The following LARGE1 variants were observed in gnomAD, a reference collection of about 807,000 sequenced individuals.
LARGE1 encodes the protein LARGE xylosyl- and glucuronyltransferase 1, also known as xylosyl- and glucuronyltransferase LARGE1.
LARGE1 carries 43 observed loss-of-function variants against 87.6 expected under a neutral mutation model. The ratio of observed to expected loss-of-function variants is 0.49; its 90% CI spans 0.38 to 0.63. The LOEUF is 0.63. Ranked by LOEUF, LARGE1 falls within the 30% of genes least tolerant of loss-of-function variation. The pLI is 0.00. For missense variants in LARGE1, 802 were observed against 1,000.2 expected (o/e 0.80, Z 2.67); for synonymous variants, 434 against 394.6 (o/e 1.10, Z -1.18).
At chr22:33,235,947 G>A (rs1449418943) in intron 11 of LARGE1, among the ~76,000 whole-genome samples, 1 of 152,186 alleles carries the variant, frequency 6.6e-6, no homozygotes, top group Non-Finnish European at 1.5e-5. Flanking sequence ...TTAGAGTGGG[G>A]CCTAAATCCA....
chr22:33,092,425 A>G, the LARGE1 span, among the ~76,000 whole-genome samples: 14 of 152,212 alleles, frequency 9.2e-5, no homozygotes, highest in South Asian at 2.9e-3. Flanking sequence ...GAACAAATAA[A>G]GTGTGGACTT....
At chr22:33,591,215 A>C (rs2078831099) in intron 5 of LARGE1, among the ~76,000 whole-genome samples, 3 of 152,192 alleles carry the variant, frequency 2.0e-5, no homozygotes, top group Admixed American at 6.5e-5. Flanking sequence ...AACAAACAAA[A>C]AAGCTACCAA....
intron 11 of LARGE1, among the ~76,000 whole-genome samples, chr22:33,257,540 T>G (rs1037568681): frequency 1.3e-5 from 2 of 152,192 alleles, no homozygotes; most frequent in African/African-American, 4.8e-5. Context: ...CCATTTTCTC[T>G]TGGCTGTGAG....
At chr22:33,750,627 A>G (rs1443521129) in intron 2 of LARGE1, 1 of 151,858 alleles carries the variant, frequency 6.6e-6, no homozygotes, top group Non-Finnish European at 1.5e-5. Flanking sequence ...ATGAAAATGC[A>G]TGTTTGTTGA....
intron 2 of LARGE1, among the ~76,000 whole-genome samples, chr22:33,731,887 A>C (rs2083481759): frequency 6.6e-6 from 1 of 152,220 alleles, no homozygotes; most frequent in Non-Finnish European, 1.5e-5. Flanking sequence ...TTTAAAAACA[A>C]ACAAGGCAGC....
chr22:33,131,219 A>T, the LARGE1 span, among the ~76,000 whole-genome samples: 1 of 152,086 alleles, frequency 6.6e-6, no homozygotes, highest in East Asian at 1.9e-4. Context: ...ACCTGCTATT[A>T]TAGCCCAAGG....
At chr22:33,426,367 T>C (rs2066878553) in intron 7 of LARGE1, among the ~76,000 whole-genome samples, 1 of 152,176 alleles carries the variant, frequency 6.6e-6, no homozygotes, top group African/African-American at 2.4e-5. Context: ...ATATAGCTTC[T>C]CTGGATGCAA....
chr22:33,711,641 A>T (rs1222021208), intron 2 of LARGE1, among the ~76,000 whole-genome samples: 3 of 152,100 alleles, frequency 2.0e-5, no homozygotes, highest in Non-Finnish European at 4.4e-5. Flanking sequence ...AGGTAAGAAT[A>T]TGAGTTTGTT....
At chr22:33,240,480 A>C (rs1386897096) in intron 11 of LARGE1, among the ~76,000 whole-genome samples, 1 of 152,136 alleles carries the variant, frequency 6.6e-6, no homozygotes, top group Non-Finnish European at 1.5e-5. Flanking sequence ...GCCAAAAATC[A>C]ATTGACCACA....
chr22:33,836,865 T>C (rs1322474558), intron 1 of LARGE1, among the ~76,000 whole-genome samples: 1 of 150,952 alleles, frequency 6.6e-6, no homozygotes, highest in Non-Finnish European at 1.5e-5. Flanking sequence ...AAGTACCAAC[T>C]ACCATTATGA....
chr22:33,718,883 C>G (rs2082992075), intron 2 of LARGE1, among the ~76,000 whole-genome samples: 1 of 152,190 alleles, frequency 6.6e-6, no homozygotes, highest in South Asian at 2.1e-4. Context: ...CTCCACCTCC[C>G]AGGTTCAAGC....
intron 2 of LARGE1, among the ~76,000 whole-genome samples, chr22:33,712,242 C>T (rs966704389): frequency 1.3e-5 from 2 of 152,072 alleles, no homozygotes; most frequent in Admixed American, 1.3e-4. Context: ...AAATCCTACC[C>T]GGACAGGGAA....
At chr22:33,457,779 TG>T (rs2147980580) in intron 6 of LARGE1, among the ~76,000 whole-genome samples, 1 of 152,244 alleles carries the variant, frequency 6.6e-6, no homozygotes, top group Admixed American at 6.5e-5. Context: ...AAGAGTTTAT[TG>T]GGCAGAGTGG....
intron 1 of LARGE1, among the ~76,000 whole-genome samples, chr22:33,850,907 A>T (rs1364350508): frequency 6.6e-6 from 1 of 151,298 alleles, no homozygotes; most frequent in Non-Finnish European, 1.5e-5. Context: ...AACCGGTCTT[A>T]AAAAAAAAGA....
At chr22:33,248,275 C>T (rs1318114455) in intron 11 of LARGE1, among the ~76,000 whole-genome samples, 1 of 152,138 alleles carries the variant, frequency 6.6e-6, no homozygotes, top group African/African-American at 2.4e-5. Context: ...GCAACCTCTG[C>T]CTCCCAGGTT....
At chr22:33,816,018 G>T (rs1351858067) in intron 1 of LARGE1, among the ~76,000 whole-genome samples, 1 of 152,058 alleles carries the variant, frequency 6.6e-6, no homozygotes, top group Admixed American at 6.6e-5. Flanking sequence ...TTCCTCTTTC[G>T]CATTCAATGT....
exon 12 of LARGE1, chr22:33,164,724 G>T (rs117411793): frequency 0.082 from 12,380 of 151,836 alleles, 624 homozygotes; most frequent in East Asian, 0.21. Flanking sequence ...TCACATGTTG[G>T]TCAGGCTTGT....
At chr22:33,689,804 G>A (rs2082046405) in intron 2 of LARGE1, among the ~76,000 whole-genome samples, 1 of 152,046 alleles carries the variant, frequency 6.6e-6, no homozygotes, top group African/African-American at 2.4e-5. Flanking sequence ...GTGGGTGCCT[G>A]TAATCCCAGC....
At chr22:33,447,015 T>G (rs537473124) in intron 6 of LARGE1, among the ~76,000 whole-genome samples, 226 of 152,322 alleles carry the variant, frequency 1.5e-3, no homozygotes, top group Non-Finnish European at 2.6e-3. Context: ...TGCCTCAGCC[T>G]CCCATGTAGT....
Sources: allele counts gnomAD v4.1 joint callset (sites outside exome capture counted in the v4.1 genomes callset), GRCh38; gene constraint gnomAD v4.1.1; transcripts MANE v1.5; gene names NCBI Gene and HGNC (gene_info 2026-07-23, HGNC 2026-07-21).